GPAM: variants seen among roughly 807,000 people sequenced by gnomAD.
The protein encoded by GPAM is glycerol-3-phosphate acyltransferase, mitochondrial, also known as glycerol-3-phosphate acyltransferase 1, mitochondrial.
A neutral mutation model predicts 105.0 loss-of-function variants in GPAM; 56 were observed. The observed-to-expected ratio is 0.53, with a 90% confidence interval of 0.43 to 0.67. GPAM has a LOEUF of 0.67. GPAM is among the 30% of genes least tolerant of loss of function. GPAM has a pLI of 0.00. For synonymous variants in GPAM, 368 were observed against 354.4 expected, an observed-to-expected ratio of 1.04 and a Z score of -0.43; for missense variants, 855 against 989.8, an observed-to-expected ratio of 0.86 and a Z score of 1.83.
At chr10:112,218,663 C>T (rs1040567932), upstream of GPAM, among the ~76,000 whole-genome samples, 7 of 152,140 alleles carry the variant, frequency 4.6e-5, no homozygotes, top group Non-Finnish European at 7.4e-5. Flanking sequence ...ATGGACTGCT[C>T]AACTGAATAT....
chr10:112,200,541 C>T (rs1847786033), intron 1 of GPAM, among the ~76,000 whole-genome samples: 1 of 152,066 alleles, frequency 6.6e-6, no homozygotes, highest in Non-Finnish European at 1.5e-5. Context: ...ATCCTCCTGC[C>T]TTGGCCTTCC....
chr10:112,209,890 C>G (rs1343056289), intron 1 of GPAM, among the ~76,000 whole-genome samples: 1 of 152,226 alleles, frequency 6.6e-6, no homozygotes, highest in Non-Finnish European at 1.5e-5. Context: ...GCCCATAACA[C>G]AGCTACACTT....
rs760302270 is a variant in GPAM, at chr10:112,158,400, A to C, written c.1903-7T>G. ...GGTAAAATGTCTGGCAAGGCTGAAA[A>C]GAAAATTCATTTAAATATAAATGCC... On this transcript the variant is annotated splice_region_variant and splice_polypyrimidine_tract_variant and intron_variant, in intron 17 of 21. Coordinates refer to ENST00000348367, the MANE Select transcript of GPAM (RefSeq NM_001244949.2). 11 of 1,562,692 alleles carry C rather than the reference A, an allele frequency of 7.0e-6. No homozygotes were observed. Among genetic ancestry groups the C allele is most frequent in the African/African-American group, 1.4e-5 (1 of 73,888 alleles).
intron 1 of GPAM, among the ~76,000 whole-genome samples, chr10:112,208,790 T>A (rs1336872183): frequency 5.3e-5 from 8 of 152,186 alleles, no homozygotes; most frequent in African/African-American, 1.9e-4. Context: ...ACCCCATCAT[T>A]TGATAAAAGA....
chr10:112,188,703 C>T (rs568809051), upstream of GPAM, among the ~76,000 whole-genome samples: 9 of 152,154 alleles, frequency 5.9e-5, no homozygotes, highest in African/African-American at 2.2e-4. Context: ...TCCAGATGTT[C>T]GAGGTATTTT....
chr10:112,157,012 G>A, intron 19 of GPAM: 1 of 610,616 alleles, frequency 1.6e-6, no homozygotes. Context: ...AAAGGATGGT[G>A]AAAGTCTCAC....
upstream of GPAM, among the ~76,000 whole-genome samples, chr10:112,186,198 C>A (rs1847594138): frequency 6.6e-6 from 1 of 151,814 alleles, no homozygotes; most frequent in Non-Finnish European, 1.5e-5. Context: ...GATTTCACAT[C>A]AGAAAAATGC....
chr10:112,174,326 G>A (rs1281780965), intron 6 of GPAM, among the ~76,000 whole-genome samples: 1 of 152,082 alleles, frequency 6.6e-6, no homozygotes, highest in Non-Finnish European at 1.5e-5. Flanking sequence ...ACCAAAAATG[G>A]TCATAAATAT....
At chr10:112,211,514 C>T (rs542516760) in intron 1 of GPAM, among the ~76,000 whole-genome samples, 1 of 152,298 alleles carries the variant, frequency 6.6e-6, no homozygotes, top group South Asian at 2.1e-4. Flanking sequence ...ATTGGTTCAT[C>T]AGTGGGTCTC....
At chr10:112,161,023 G>A (rs1306834866) in intron 15 of GPAM, among the ~76,000 whole-genome samples, 155 bp from the exon 16 acceptor site, 1 of 152,186 alleles carries the variant, frequency 6.6e-6, no homozygotes, top group East Asian at 1.9e-4. Flanking sequence ...TGCAGAGCGA[G>A]TCAGAAAACT....
intron 1 of GPAM, among the ~76,000 whole-genome samples, chr10:112,209,040 G>A (rs1274384293): frequency 6.6e-6 from 1 of 152,210 alleles, no homozygotes; most frequent in Non-Finnish European, 1.5e-5. Context: ...GATTGGGGAT[G>A]GGGACAGTTG....
upstream of GPAM, among the ~76,000 whole-genome samples, chr10:112,218,199 A>C (rs1847989615): frequency 6.6e-6 from 1 of 152,230 alleles, no homozygotes; most frequent in Admixed American, 6.5e-5. Flanking sequence ...AGTGAGAGGA[A>C]GGTGAACTCT....
chr10:112,212,992 T>C (rs1847929285), intron 1 of GPAM, among the ~76,000 whole-genome samples: 1 of 152,228 alleles, frequency 6.6e-6, no homozygotes, highest in South Asian at 2.1e-4. Flanking sequence ...GGAAAGCTGA[T>C]CTTGACAGGG....
intron 6 of GPAM, among the ~76,000 whole-genome samples, chr10:112,174,930 C>A (rs886517025): frequency 1.3e-5 from 2 of 152,100 alleles, no homozygotes; most frequent in Admixed American, 6.5e-5. Context: ...TTTAAAGCAG[C>A]CTTTTAATTC....
At chr10:112,218,346 G>A (rs775300352), upstream of GPAM, among the ~76,000 whole-genome samples, 4 of 152,342 alleles carry the variant, frequency 2.6e-5, no homozygotes, top group African/African-American at 4.8e-5. Context: ...AAAACAGAGC[G>A]ACTATGGAGA....
chr10:112,215,355 T>A (rs1327084212), exon 1 of GPAM: 1 of 151,138 alleles, frequency 6.6e-6, no homozygotes, highest in Non-Finnish European at 1.5e-5. Context: ...TCAGAAAGAG[T>A]CCCCCCGCAG....
At chr10:112,208,091 T>G (rs1470448918) in intron 1 of GPAM, among the ~76,000 whole-genome samples, 1 of 152,172 alleles carries the variant, frequency 6.6e-6, no homozygotes, top group African/African-American at 2.4e-5. Context: ...GTCTCAAGTG[T>G]CAGGATAACC....
rs191533658 is a variant in GPAM at position 112,151,844 on chromosome 10, T to C, written c.*1706A>G. 7.1e-6 allele frequency: 7 copies of C among 985,186 alleles called. No individual in the cohort carries two copies. The highest frequency in any genetic ancestry group is 6.1e-5 in the Admixed American group (1 of 16,282). The allele number at this position is 985,186 out of a possible 1,614,324, so 61.0% of individuals were successfully genotyped here. A position where few individuals can be genotyped will look rare whatever the true frequency, so the allele number is the denominator to read the frequency against. On this transcript the variant is annotated 3_prime_UTR_variant, in exon 22 of 22. Transcript: ENST00000348367. ...AGCCAAGAAAAGTGTTCTTCTACCC[T>C]AGTCAGTAAAATGGAATGCTAAAAC...
intron 12 of GPAM, among the ~76,000 whole-genome samples, chr10:112,165,122 T>G (rs182964925): frequency 2.4e-4 from 37 of 152,280 alleles, no homozygotes; most frequent in African/African-American, 8.9e-4. Flanking sequence ...AGCAAGCATC[T>G]ACCACAGCAG....
Sources: gnomAD v4.1 joint callset for allele counts (sites outside exome capture counted in the v4.1 genomes callset) on GRCh38, gnomAD v4.1.1 for gene constraint, MANE v1.5 for transcripts, NCBI Gene and HGNC (gene_info 2026-07-23, HGNC 2026-07-21) for gene names.